The following HK2 variants were observed in gnomAD, a reference collection of about 807,000 sequenced individuals.
The protein encoded by HK2 is hexokinase-2.
In HK2, 42 loss-of-function variants were observed where a neutral mutation model predicts 92.9. The observed-to-expected ratio is 0.45, with a 90% CI of 0.35 to 0.58. The LOEUF (loss-of-function observed/expected upper bound fraction) is 0.58, where lower values mean the gene tolerates loss of function less well. HK2 is among the 20% of genes least tolerant of loss of function. HK2 has a pLI of 0.00. For synonymous variants in HK2, 422 were observed against 468.0 expected (o/e 0.90, Z 1.27); for missense variants, 978 against 1,245.1 (o/e 0.79, Z 3.23).
chr2:74,882,605 TTA>T lies in HK2; in HGVS notation c.1839+381_1839+382del, dbSNP rs141761906. Among the ~76,000 whole-genome samples, 37 of 75,636 alleles carry T rather than the reference TTA, an allele frequency of 4.9e-4. 5 individuals carry two copies. Among genetic ancestry groups the T allele is most frequent in the East Asian group, 1.2e-3 (3 of 2,540 alleles). The allele number at this position is 75,636 out of a possible 152,430, so 49.6% of individuals were successfully genotyped here. On this transcript the variant is annotated intron_variant, in intron 12 of 17. Coordinates refer to ENST00000290573, the MANE Select transcript of HK2 (RefSeq NM_000189.5). ...TAGGAAGACCCCATCTCTATTGAACTTATATATATATATATAGCATTTTTAAG... is the reference window on the plus strand; with the variant it reads ...TAGGAAGACCCCATCTCTATTGAACTTATATATATATATAGCATTTTTAAG...
At chr2:74,855,192 C>A (rs568276875) in intron 2 of HK2, among the ~76,000 whole-genome samples, 1 of 152,094 alleles carries the variant, frequency 6.6e-6, no homozygotes, top group Non-Finnish European at 1.5e-5. Context: ...GATGGGGTTT[C>A]TCATGTTGGT....
At chr2:74,888,838 GAGCAGAAATAA>G (rs750768641) in intron 16 of HK2, among the ~76,000 whole-genome samples, 5 of 152,112 alleles carry the variant, frequency 3.3e-5, no homozygotes, top group Non-Finnish European at 7.3e-5. Flanking sequence ...CAGAGCAGCA[GAGCAGAAATAA>G]AGCACGAGTC....
At chr2:74,857,913 G>A (rs927051011) in intron 2 of HK2, among the ~76,000 whole-genome samples, 1 of 152,298 alleles carries the variant, frequency 6.6e-6, no homozygotes, top group East Asian at 1.9e-4. Flanking sequence ...CTGCTGCTGG[G>A]GGTGAAGCTG....
intron 2 of HK2, among the ~76,000 whole-genome samples, chr2:74,860,756 G>A (rs192193735): frequency 1.2e-4 from 19 of 152,284 alleles, no homozygotes; most frequent in African/African-American, 3.9e-4. Flanking sequence ...ACAACTAGGA[G>A]TGGAATTACT....
chr2:74,852,464 TC>T (rs1453538008), intron 1 of HK2, among the ~76,000 whole-genome samples: 1 of 152,174 alleles, frequency 6.6e-6, no homozygotes, highest in Non-Finnish European at 1.5e-5. Flanking sequence ...GCACCCTTTT[TC>T]CTCCTGGGGA....
At chr2:74,835,870 G>T (rs1688154033) in intron 1 of HK2, among the ~76,000 whole-genome samples, 1 of 152,158 alleles carries the variant, frequency 6.6e-6, no homozygotes, top group African/African-American at 2.4e-5. Flanking sequence ...TTACCGTTCT[G>T]TGCGACAACC....
intron 13 of HK2, among the ~76,000 whole-genome samples, 196 bp from the exon 14 acceptor site, chr2:74,886,087 TGTGCTGGAAAG>T (rs1689527702): frequency 6.6e-6 from 1 of 151,204 alleles, no homozygotes; most frequent in Non-Finnish European, 1.5e-5. Context: ...ATGGAGCAAG[TGTGCTGGAAAG>T]GGGCACTGTT....
At chr2:74,876,199 C>T (rs1689228989) in intron 7 of HK2, among the ~76,000 whole-genome samples, 2 of 152,264 alleles carry the variant, frequency 1.3e-5, no homozygotes, top group South Asian at 4.1e-4. Context: ...TGTACTCGGC[C>T]TTGGGTCTTG....
intron 12 of HK2, among the ~76,000 whole-genome samples, chr2:74,883,522 C>T (rs145370329): frequency 6.6e-6 from 1 of 152,318 alleles, no homozygotes; most frequent in East Asian, 1.9e-4. Context: ...ACCCTAGTGA[C>T]AAGGAAAGAG....
At position 74,834,503 on chromosome 2, in the gene HK2, A is replaced by C; in HGVS notation, c.-78A>C. 1 of 1,427,440 alleles carries C rather than the reference A, an allele frequency of 7.0e-7. No homozygotes were observed. Among genetic ancestry groups the C allele is most frequent in the Non-Finnish European group, 9.9e-7 (1 of 1,013,444 alleles). The allele number at this position is 1,427,440 out of a possible 1,614,324, so 88.4% of individuals were successfully genotyped here. A position where few individuals can be genotyped will look rare whatever the true frequency, so the allele number is the denominator to read the frequency against. ...CGGCAGCCGAGCCCCAGCACAAAGC[A>C]GTCGGACCGCGCCGCCCGCCTCCCC... On this transcript the variant is annotated 5_prime_UTR_variant, in exon 1 of 18. Transcript: ENST00000290573. This position sits in a 1 kb window ranked among gnomAD's most constrained non-coding sequence, Gnocchi z 4.2.
intron 3 of HK2, among the ~76,000 whole-genome samples, chr2:74,869,817 C>T (rs1022864963): frequency 6.6e-6 from 1 of 152,056 alleles, no homozygotes; most frequent in African/African-American, 2.4e-5. Flanking sequence ...CTCCTCTTCC[C>T]ACTTGAGAAA....
In HK2 at chr2:74,842,512, G is replaced by A. The variant is rs558399056; in HGVS notation, c.63+7869G>A. Among the ~76,000 whole-genome samples the A allele has an allele frequency of 2.6e-5, 4 of 152,264 alleles. 1 individual carries two copies. Among genetic ancestry groups the A allele is most frequent in the African/African-American group, 9.6e-5 (4 of 41,540 alleles). ...ACAGTCTTAGATGTCCCACTGCACCGTCCGCCTGGACAGGAGCAAAAAGAG... is the reference window on the plus strand; with the variant it reads ...ACAGTCTTAGATGTCCCACTGCACCATCCGCCTGGACAGGAGCAAAAAGAG... On this transcript the variant is annotated intron_variant, in intron 1 of 17. Transcript: ENST00000290573.
chr2:74,888,539 G>C (rs911958894), intron 16 of HK2, among the ~76,000 whole-genome samples: 1 of 152,184 alleles, frequency 6.6e-6, no homozygotes, highest in African/African-American at 2.4e-5. Flanking sequence ...TCAAATGGTG[G>C]AAAATCTCCA....
Position 74,868,352 on chromosome 2 carries a change from C to T in HK2, c.375+568C>T, listed in dbSNP as rs28362997. Among the ~76,000 whole-genome samples, 30 of 152,180 alleles carry T rather than the reference C, an allele frequency of 2.0e-4. No homozygotes were observed. The South Asian group carries it at 6.0e-3, about 31-fold the overall frequency. Reference sequence around the variant, plus strand: ...AGGGACACAGAGGGTAGCGGCCCTTCCACTGCCACTCCTATGCCTGCACCA... The same window carrying T: ...AGGGACACAGAGGGTAGCGGCCCTTTCACTGCCACTCCTATGCCTGCACCA... On this transcript the variant is annotated intron_variant, in intron 3 of 17. Transcript: ENST00000290573.
intron 1 of HK2, among the ~76,000 whole-genome samples, chr2:74,849,690 A>G (rs1407256897): frequency 1.3e-5 from 2 of 152,198 alleles, no homozygotes; most frequent in Non-Finnish European, 2.9e-5. Flanking sequence ...CTTTAGAAGA[A>G]AGAAGGGGTG....
intron 3 of HK2, among the ~76,000 whole-genome samples, chr2:74,871,144 C>A (rs1689088506): frequency 6.6e-6 from 1 of 152,150 alleles, no homozygotes; most frequent in South Asian, 2.1e-4. Context: ...ATGGCTGGGC[C>A]CCACCCCCAG....
intron 1 of HK2, among the ~76,000 whole-genome samples, chr2:74,844,151 G>T (rs1339734850): frequency 2.0e-5 from 3 of 152,174 alleles, no homozygotes; most frequent in African/African-American, 7.2e-5. Flanking sequence ...TATGAGTCAG[G>T]TATCAGCTGG....
intron 2 of HK2, among the ~76,000 whole-genome samples, chr2:74,862,959 A>C (rs1688865225): frequency 6.6e-6 from 1 of 152,254 alleles, no homozygotes; most frequent in Non-Finnish European, 1.5e-5. Flanking sequence ...GCCCAAAGCC[A>C]CATGGCTAAT....
intron 1 of HK2, among the ~76,000 whole-genome samples, chr2:74,838,561 C>T (rs574473873): frequency 5.9e-5 from 8 of 136,422 alleles, no homozygotes; most frequent in South Asian, 4.5e-4. Flanking sequence ...TTTTTTGAGA[C>T]GGAGTCTCGC....
Sources: allele counts gnomAD v4.1 joint callset (sites outside exome capture counted in the v4.1 genomes callset), GRCh38; gene constraint gnomAD v4.1.1; non-coding constraint Gnocchi (gnomAD v3.1); transcripts MANE v1.5; gene names NCBI Gene and HGNC (gene_info 2026-07-23, HGNC 2026-07-21).